Variants in COPA observed in about 807,000 individuals in gnomAD.
COPA encodes the protein coat protein complex I subunit alpha.
Under a neutral mutation model 158.7 loss-of-function variants are expected in COPA, and 10 were observed. That is an observed-to-expected ratio of 0.06 (90% CI 0.04 to 0.11). The LOEUF (loss-of-function observed/expected upper bound fraction) is 0.11, where lower values mean the gene tolerates loss of function less well. Ranked by LOEUF, COPA falls within the 10% of genes least tolerant of loss-of-function variation. The probability of loss-of-function intolerance (pLI) is 1.00; values close to 1 mark genes in which losing one functional copy is unlikely to be tolerated. For missense variants in COPA, 1,065 were observed against 1,536.7 expected, an observed-to-expected ratio of 0.69 and a Z score of 5.13; for synonymous variants, 462 against 542.8, an observed-to-expected ratio of 0.85 and a Z score of 2.07.
intron 6 of COPA, 74 bp from the exon 7 acceptor site, chr1:160,325,726 A>T (rs1298235390): frequency 9.8e-7 from 1 of 1,016,380 alleles, no homozygotes; most frequent in East Asian, 2.4e-5. Flanking sequence ...TCAGAAACAC[A>T]GAAATTACAG....
intron 1 of COPA, among the ~76,000 whole-genome samples, chr1:160,341,749 A>T (rs1328735588): frequency 6.6e-6 from 1 of 152,176 alleles, no homozygotes; most frequent in Non-Finnish European, 1.5e-5. Flanking sequence ...GTGAGGTGGA[A>T]CTATTTTAAT....
At chr1:160,309,047 G>T in intron 13 of COPA, 54 bp downstream of exon 13, 2 of 1,387,964 alleles carry the variant, frequency 1.4e-6, no homozygotes, top group East Asian at 2.3e-5. Context: ...GAGGAGTTAT[G>T]ATGCGGGTGA....
In COPA at chr1:160,295,865, T is replaced by C. The variant is rs1414170300; in HGVS notation, c.2353-6A>G. 1.3e-6 allele frequency: 2 copies of C among 1,599,304 alleles called. No individual in the cohort carries two copies. The highest frequency in any genetic ancestry group is 2.7e-5 in the African/African-American group (2 of 73,758). On this transcript the variant is annotated splice_polypyrimidine_tract_variant and splice_region_variant and intron_variant, in intron 22 of 32. Coordinates refer to ENST00000241704, the MANE Select transcript of COPA (RefSeq NM_004371.4). ...TTAGGGTCAATGTCTGGGATCTGAA[T>C]AGTAGAAGAAAAGAGGCTAAAAACA... is the stretch of plus-strand genomic sequence containing the variant.
chr1:160,305,216 A>C (rs1299708086), intron 17 of COPA: 1 of 481,478 alleles, frequency 2.1e-6, no homozygotes, highest in Non-Finnish European at 3.7e-6. Context: ...CTTATTTGTT[A>C]TTCTATTTTT....
intron 5 of COPA, chr1:160,333,331 T>C (rs1445216140): frequency 6.0e-6 from 2 of 334,568 alleles, no homozygotes; most frequent in Non-Finnish European, 1.1e-5. Flanking sequence ...TCAGGTTTTA[T>C]GGGAAAATAA....
chr1:160,312,089 G>GT, intron 10 of COPA, 71 bp from the exon 11 acceptor site: 2 of 1,508,826 alleles, frequency 1.3e-6, no homozygotes, highest in Non-Finnish European at 1.8e-6. Context: ...TTGGAGATAC[G>GT]TAAGGATGAA....
rs1270276412 is a variant in COPA at position 160,292,470 on chromosome 1, G to C, written c.2960+14C>G. On this transcript the variant is annotated intron_variant, in intron 28 of 32. Transcript: ENST00000241704. ...AACTTGGAACAGATGAAAGCAAAGA[G>C]AAAAGGGCCTTACCAGTTGCGATTA... The C allele has an allele frequency of 1.9e-6, 3 of 1,613,150 alleles. No individual in the cohort carries two copies. Among genetic ancestry groups the C allele is most frequent in the East Asian group, 2.2e-5 (1 of 44,884 alleles).
chr1:160,295,669 G>A (rs1312746101), intron 23 of COPA, 67 bp downstream of exon 23: 1 of 1,407,496 alleles, frequency 7.1e-7, no homozygotes, highest in African/African-American at 1.4e-5. Context: ...AAATGCTAAT[G>A]GTATTCTCTA....
In COPA at chr1:160,332,437, G is replaced by T; in HGVS notation, c.496+11C>A. 6.3e-7 allele frequency: 1 copy of T among 1,593,622 alleles called. No individual in the cohort carries two copies. Among genetic ancestry groups the T allele is most frequent in the Non-Finnish European group, 8.6e-7 (1 of 1,167,774 alleles). On this transcript the variant is annotated intron_variant, in intron 6 of 32. Coordinates refer to ENST00000241704, the MANE Select transcript of COPA (RefSeq NM_004371.4). ...GATGACCAGGTTGTCCTCTGAACTT[G>T]GGCAGCTCACCAGAAATATCCCAAA...
rs1647978834 is a variant in COPA, at chr1:160,340,280, G to A, written c.55C>T (p.Pro19Ser). Residue 19 changes from proline to serine, a missense_variant, in exon 2 of 33, where the codon CCC (proline) becomes TCC (serine). Transcript: ENST00000241704. ...CTAGTCAGGATCCAAGGTCTTTTGG[G>A]GTGAAAGCTGAGCCCTGAAAAAAAT... is the stretch of plus-strand genomic sequence containing the variant. ...SARVKGLSFH[P>S]KRPWILTSLH... The A allele has an allele frequency of 1.9e-6, 3 of 1,612,734 alleles. No homozygotes were observed. The highest frequency in any genetic ancestry group is 2.5e-6 in the Non-Finnish European group (3 of 1,179,472).
chr1:160,313,091 C>A lies in COPA; in HGVS notation c.919G>T (p.Ala307Ser). 6.2e-7 allele frequency: 1 copy of A among 1,613,810 alleles called. No individual in the cohort carries two copies. Among genetic ancestry groups the A allele is most frequent in the South Asian group, 1.1e-5 (1 of 91,044 alleles). ...GAGAGAAAATGGCCCTTACCTGCTGCAAAGAGGTTAAGGTTAGGGTGAGCA... is the reference window on the plus strand; with the variant it reads ...GAGAGAAAATGGCCCTTACCTGCTGAAAAGAGGTTAAGGTTAGGGTGAGCA... ...LAAHPNLNLF[A>S]AGHDGGMIVF... Residue 307 changes from alanine (A) to serine (S), a missense_variant, in exon 10 of 33, where the codon GCA (alanine) becomes TCA (serine). Physicochemically the swap from Ala to Ser is moderately conservative, Grantham distance 99 (BLOSUM62 1). Transcript: ENST00000241704.
In COPA at chr1:160,289,703, G is replaced by A. The variant is rs1658159523; in HGVS notation, c.*454C>T. 1 of 152,750 alleles carries A rather than the reference G, an allele frequency of 6.5e-6. No homozygotes were observed. Among genetic ancestry groups the A allele is most frequent in the Admixed American group, 6.6e-5 (1 of 15,260 alleles). The allele number at this position is 152,750 out of a possible 1,614,324, so 9.5% of individuals were successfully genotyped here. On this transcript the variant is annotated 3_prime_UTR_variant, in exon 33 of 33. Coordinates refer to ENST00000241704, the MANE Select transcript of COPA (RefSeq NM_004371.4). ...CCTCCTAGGTTCAAGCGATTCTCAT[G>A]CCTCAGCCTCCTGAGCAGCTGGGAC...
At chr1:160,335,902 A>G (rs1385089478) in intron 3 of COPA, among the ~76,000 whole-genome samples, 1 of 151,686 alleles carries the variant, frequency 6.6e-6, no homozygotes, top group Non-Finnish European at 1.5e-5. Context: ...AAAAAAAAAA[A>G]AAAAGTTTTT....
At chr1:160,318,491 A>AAAAAAAAAAAAAAAAAAAAAAAT (rs397981683) in intron 8 of COPA, among the ~76,000 whole-genome samples, 1 of 68,930 alleles carries the variant, frequency 1.5e-5, no homozygotes, top group African/African-American at 9.5e-5. Flanking sequence ...AAAAAAAAAA[A>AAAAAAAAAAAAAAAAAAAAAAAT]CAAAAAAAAA....
intron 17 of COPA, among the ~76,000 whole-genome samples, chr1:160,301,890 A>G (rs1658617674): frequency 6.6e-6 from 1 of 152,086 alleles, no homozygotes; most frequent in Non-Finnish European, 1.5e-5. Flanking sequence ...AGAAATAGCA[A>G]AATTCCTTCA....
chr1:160,341,433 T>C (rs1011232058), intron 1 of COPA, among the ~76,000 whole-genome samples: 3 of 152,240 alleles, frequency 2.0e-5, no homozygotes, highest in African/African-American at 7.2e-5. Flanking sequence ...TGTCCGCCAA[T>C]TTTTGGCTAT....
rs1033073521 is a variant in COPA at position 160,313,446 on chromosome 1, G to A, written c.843-279C>T. ...TTTTTTTTTTTTGAGACGGAGTCTC[G>A]CTCTGTTGCCCAGGCTGGAGTGCAG... On this transcript the variant is annotated intron_variant, in intron 9 of 32. Coordinates refer to ENST00000241704, the MANE Select transcript of COPA (RefSeq NM_004371.4). Among the ~76,000 whole-genome samples, 9 of 149,976 alleles carry A rather than the reference G, an allele frequency of 6.0e-5. No homozygotes were observed. The South Asian group carries it at 1.0e-3, about 17-fold the overall frequency.
intron 8 of COPA, among the ~76,000 whole-genome samples, chr1:160,323,016 C>CACACAA (rs957643035): frequency 6.6e-6 from 1 of 151,152 alleles, no homozygotes; most frequent in African/African-American, 2.4e-5. Context: ...CACACACACA[C>CACACAA]AATGGAATAT....
At chr1:160,322,951 A>T (rs769517795) in intron 8 of COPA, among the ~76,000 whole-genome samples, 6 of 152,076 alleles carry the variant, frequency 3.9e-5, no homozygotes, top group Non-Finnish European at 7.4e-5. Context: ...TTAAGTGCTC[A>T]TCAAGGGATG....
Sources: allele counts gnomAD v4.1 joint callset (sites outside exome capture counted in the v4.1 genomes callset), GRCh38; gene constraint gnomAD v4.1.1; transcripts MANE v1.5; gene names NCBI Gene and HGNC (gene_info 2026-07-23, HGNC 2026-07-21).